VEGFC: variants seen among roughly 807,000 people sequenced by gnomAD.
The protein encoded by VEGFC is vascular endothelial growth factor C.
A neutral mutation model predicts 46.1 loss-of-function variants in VEGFC; 12 were observed. That is an observed-to-expected ratio of 0.26 (90% CI 0.17 to 0.42). The LOEUF is 0.42. Among genes scored for constraint, VEGFC ranks in the 10% least tolerant of loss-of-function variants. The pLI is 1.00. For missense variants in VEGFC, 488 were observed against 529.4 expected, an observed-to-expected ratio of 0.92 and a Z score of 0.77; for synonymous variants, 232 against 195.5, an observed-to-expected ratio of 1.19 and a Z score of -1.56.
chr4:176,727,644 C>A, intron 3 of VEGFC, 134 bp downstream of exon 3: 1 of 713,272 alleles, frequency 1.4e-6, no homozygotes, highest in Non-Finnish European at 2.0e-6. Flanking sequence ...GACTTCATTC[C>A]CCTAAAGAAA....
intron 1 of VEGFC, among the ~76,000 whole-genome samples, chr4:176,788,490 T>C (rs1736039110): frequency 6.6e-6 from 1 of 152,184 alleles, no homozygotes; most frequent in African/African-American, 2.4e-5. Flanking sequence ...CATTACCACA[T>C]TTCTCTAAAA....
chr4:176,749,273 A>G (rs1489918414), intron 1 of VEGFC, among the ~76,000 whole-genome samples: 1 of 151,976 alleles, frequency 6.6e-6, no homozygotes, highest in Non-Finnish European at 1.5e-5. Context: ...AATATAAAAA[A>G]CAAACTCAAA....
chr4:176,694,454 A>C (rs1302412701), intron 4 of VEGFC, among the ~76,000 whole-genome samples: 10 of 151,872 alleles, frequency 6.6e-5, no homozygotes, highest in African/African-American at 2.4e-4. Flanking sequence ...TATGCACCCA[A>C]TACAGGAGCA....
At chr4:176,734,790 T>C (rs991717973) in intron 1 of VEGFC, among the ~76,000 whole-genome samples, 2 of 151,824 alleles carry the variant, frequency 1.3e-5, no homozygotes, top group African/African-American at 2.4e-5. Flanking sequence ...ATATCCAAAA[T>C]TGAGGGTTTC....
At chr4:176,739,095 C>A (rs1310620133) in intron 1 of VEGFC, among the ~76,000 whole-genome samples, 1 of 151,654 alleles carries the variant, frequency 6.6e-6, no homozygotes, top group Non-Finnish European at 1.5e-5. Context: ...AAATCAAAAC[C>A]ACAATGAGAT....
At chr4:176,718,717 C>A (rs1048291325) in intron 3 of VEGFC, among the ~76,000 whole-genome samples, 3 of 152,100 alleles carry the variant, frequency 2.0e-5, no homozygotes, top group African/African-American at 7.2e-5. Flanking sequence ...TTAACCCCAC[C>A]ATTTTCAGGA....
intron 1 of VEGFC, among the ~76,000 whole-genome samples, chr4:176,741,476 T>C (rs1382697575): frequency 6.6e-6 from 1 of 151,890 alleles, no homozygotes; most frequent in African/African-American, 2.4e-5. Context: ...TCATAGCAAT[T>C]GGGAAACTGT....
intron 1 of VEGFC, among the ~76,000 whole-genome samples, chr4:176,761,565 C>T (rs1477794267): frequency 3.3e-5 from 5 of 152,066 alleles, no homozygotes; most frequent in Non-Finnish European, 7.4e-5. Flanking sequence ...ACAAGGAAAA[C>T]AATGTCGCAG....
intron 1 of VEGFC, among the ~76,000 whole-genome samples, chr4:176,789,707 A>G (rs1181088830): frequency 1.3e-5 from 2 of 152,234 alleles, no homozygotes; most frequent in East Asian, 1.9e-4. Flanking sequence ...TCATGCAACC[A>G]CAAATAACTA....
At chr4:176,750,939 GA>G (rs1400835122) in intron 1 of VEGFC, among the ~76,000 whole-genome samples, 1 of 149,552 alleles carries the variant, frequency 6.7e-6, no homozygotes, top group Non-Finnish European at 1.5e-5. Flanking sequence ...AGGACAAAAA[GA>G]AAAAAAAGAA....
chr4:176,709,593 T>G (rs1200377059), intron 4 of VEGFC, among the ~76,000 whole-genome samples: 1 of 152,098 alleles, frequency 6.6e-6, no homozygotes, highest in Non-Finnish European at 1.5e-5. Context: ...AGGGCCAGAA[T>G]AGAAACAAGA....
chr4:176,785,616 C>T (rs939270059), intron 1 of VEGFC, among the ~76,000 whole-genome samples: 2 of 137,082 alleles, frequency 1.5e-5, no homozygotes, highest in Admixed American at 8.0e-5. Flanking sequence ...TTCCAGGACA[C>T]TTTAGGGTTC....
intron 3 of VEGFC, among the ~76,000 whole-genome samples, chr4:176,721,387 T>C (rs1734782642): frequency 6.6e-6 from 1 of 152,100 alleles, no homozygotes; most frequent in Non-Finnish European, 1.5e-5. Flanking sequence ...GGCAATGTTA[T>C]CAAGGAGTTT....
At chr4:176,726,046 G>C (rs1434889437) in intron 3 of VEGFC, among the ~76,000 whole-genome samples, 1 of 152,076 alleles carries the variant, frequency 6.6e-6, no homozygotes, top group Non-Finnish European at 1.5e-5. Context: ...ATTTAGAATA[G>C]TAAGTACAAA....
At chr4:176,747,663 A>T (rs1162047082) in intron 1 of VEGFC, among the ~76,000 whole-genome samples, 5 of 152,032 alleles carry the variant, frequency 3.3e-5, no homozygotes, top group Non-Finnish European at 4.4e-5. Flanking sequence ...CTCATTAGCC[A>T]TGAGCTTGTA....
At chr4:176,754,127 G>A (rs752034298) in intron 1 of VEGFC, among the ~76,000 whole-genome samples, 14 of 151,786 alleles carry the variant, frequency 9.2e-5, no homozygotes, top group Non-Finnish European at 1.3e-4. Context: ...TTGCTTACTC[G>A]AATTTCGAAT....
intron 1 of VEGFC, among the ~76,000 whole-genome samples, chr4:176,757,622 T>C (rs529069230): frequency 7.9e-5 from 12 of 152,088 alleles, no homozygotes; most frequent in African/African-American, 2.6e-4. Flanking sequence ...AAAAGTGCTC[T>C]TCATTAACAA....
At chr4:176,773,255 T>C (rs527809201) in intron 1 of VEGFC, among the ~76,000 whole-genome samples, 4 of 152,290 alleles carry the variant, frequency 2.6e-5, no homozygotes, top group Admixed American at 6.5e-5. Flanking sequence ...ACTCTAAAAA[T>C]GATCAAGTGA....
chr4:176,742,239 TC>T (rs1459309090), intron 1 of VEGFC, among the ~76,000 whole-genome samples: 3 of 152,044 alleles, frequency 2.0e-5, no homozygotes, highest in Admixed American at 2.0e-4. Flanking sequence ...TCCAGCAGAG[TC>T]CATGTTGCTG....
Sources: allele counts gnomAD v4.1 joint callset (sites outside exome capture counted in the v4.1 genomes callset), GRCh38; gene constraint gnomAD v4.1.1; transcripts MANE v1.5; gene names NCBI Gene and HGNC (gene_info 2026-07-23, HGNC 2026-07-21).